WEE2: variants seen among roughly 807,000 people sequenced by gnomAD.
WEE2 encodes the protein wee1-like protein kinase 2.
A neutral mutation model predicts 60.1 loss-of-function variants in WEE2; 50 were observed. The observed-to-expected ratio is 0.83, with a 90% CI of 0.66 to 1.05. The LOEUF is 1.05. Ranked by LOEUF, WEE2 falls within the 50% of genes least tolerant of loss-of-function variation. The pLI is 0.00. For missense variants in WEE2, 631 were observed against 684.3 expected, an observed-to-expected ratio of 0.92 and a Z score of 0.87; for synonymous variants, 240 against 241.0, an observed-to-expected ratio of 1.00 and a Z score of 0.04.
chr7:141,719,020 G>C, intron 3 of WEE2, 52 bp from the exon 4 acceptor site: 4 of 1,570,502 alleles, frequency 2.5e-6, no homozygotes, highest in Non-Finnish European at 3.5e-6. Context: ...TAATTTTATT[G>C]CTTACAACAT....
At chr7:141,729,482 C>A in intron 10 of WEE2, 49 bp from the exon 11 acceptor site, 1 of 1,612,534 alleles carries the variant, frequency 6.2e-7, no homozygotes, top group Non-Finnish European at 8.5e-7. Flanking sequence ...TCATACATAT[C>A]TCTGACTGGA....
At position 141,730,427 on chromosome 7, in the gene WEE2, G is replaced by T. The variant is rs1448685509; in HGVS notation, c.*107G>T. 4 of 1,067,448 alleles carry T rather than the reference G, an allele frequency of 3.7e-6. No individual in the cohort carries two copies. Among genetic ancestry groups the T allele is most frequent in the South Asian group, 2.9e-5 (2 of 68,476 alleles). 66.1% of individuals were successfully genotyped at this position (1,067,448 alleles called of 1,614,324 possible). On this transcript the variant is annotated 3_prime_UTR_variant, in exon 12 of 12. Coordinates refer to ENST00000397541, the MANE Select transcript of WEE2 (RefSeq NM_001105558.1). The stretch of plus-strand genomic sequence containing the variant: ...GACTCGTTGTACATAGAAAGGAATA[G>T]AATTTAGTTTAGAGTTGAAGTCACA...
chr7:141,708,776 T>C lies in WEE2; in HGVS notation c.18T>C (p.Ile6=), dbSNP rs1798661927. The change falls in exon 1 of 12, where the codon ATT becomes ATC. Residue 6 remains isoleucine, a synonymous_variant. Transcript: ENST00000397541. ...TGGCTGAGATGGATGACAAAGATATTGACAAAGAACTAAGGCAGAAATTAA... is the reference window on the plus strand; with the variant it reads ...TGGCTGAGATGGATGACAAAGATATCGACAAAGAACTAAGGCAGAAATTAA... MDDKD[I]DKELRQKLNF... is the part of the protein sequence containing the mutation. The C allele has an allele frequency of 6.2e-7, 1 of 1,613,690 alleles. No individual in the cohort carries two copies. The highest frequency in any genetic ancestry group is 8.5e-7 in the Non-Finnish European group (1 of 1,179,802).
chr7:141,712,457 T>C (rs2117102893), intron 1 of WEE2, among the ~76,000 whole-genome samples: 1 of 152,328 alleles, frequency 6.6e-6, no homozygotes, highest in East Asian at 1.9e-4. Flanking sequence ...ACCTGTGTCA[T>C]CTTTCAATAA....
rs150705568 is a variant in WEE2, at chr7:141,708,430, A to C, written c.-329A>C. On this transcript the variant is annotated 5_prime_UTR_variant, in exon 1 of 12. Transcript: ENST00000397541. The stretch of plus-strand genomic sequence containing the variant: ...AGCCATGCTAAATTAAAGGAATTCA[A>C]TTTTCTCACTAGTATTTGGTAACAC... 4.4e-5 allele frequency: 12 copies of C among 275,198 alleles called. No individual in the cohort carries two copies. The highest frequency in any genetic ancestry group is 6.8e-5 in the Non-Finnish European group (10 of 146,706). The allele number at this position is 275,198 out of a possible 1,614,324, so 17.0% of individuals were successfully genotyped here. A position where few individuals can be genotyped will look rare whatever the true frequency, so the allele number is the denominator to read the frequency against.
intron 1 of WEE2, among the ~76,000 whole-genome samples, chr7:141,709,729 G>C (rs1008551514): frequency 5.3e-5 from 8 of 152,188 alleles, no homozygotes; most frequent in Non-Finnish European, 8.8e-5. Flanking sequence ...GAGGAAACTT[G>C]TTGATACTTC....
chr7:141,727,892 C>A, intron 10 of WEE2: 1 of 157,614 alleles, frequency 6.3e-6, no homozygotes, highest in Non-Finnish European at 1.4e-5. Context: ...TTTTTCTGAG[C>A]AAAGAAAACG....
chr7:141,717,611 AT>A (rs1798829258), intron 3 of WEE2, among the ~76,000 whole-genome samples: 1 of 152,210 alleles, frequency 6.6e-6, no homozygotes, highest in Admixed American at 6.5e-5. Flanking sequence ...AGATATATGT[AT>A]TTGTGTATAT....
Position 141,719,184 on chromosome 7 carries a change from T to A in WEE2, c.698T>A (p.Leu233Gln). Residue 233 changes from leucine (L) to glutamine (Q), a missense_variant, in exon 4 of 12, where the codon CTG becomes CAG. Coordinates refer to ENST00000397541, the MANE Select transcript of WEE2 (RefSeq NM_001105558.1). The stretch of plus-strand genomic sequence containing the variant: ...ACAGTCTACAAGTGCATTAAGAGGC[T>A]GGATGGATGTGTTTATGCAATAAAG... ...FGTVYKCIKR[L>Q]DGCVYAIKRS... 1 of 1,614,042 alleles carries A rather than the reference T, an allele frequency of 6.2e-7. No individual in the cohort carries two copies. Among genetic ancestry groups the A allele is most frequent in the South Asian group, 1.1e-5 (1 of 91,062 alleles).
In WEE2 at chr7:141,730,060, A is replaced by T. The variant is rs146041480; in HGVS notation, c.1679-235A>T. Among the ~76,000 whole-genome samples, 339 of 152,052 alleles carry T rather than the reference A, an allele frequency of 2.2e-3. 2 individuals carry two copies. Among genetic ancestry groups the T allele is most frequent in the African/African-American group, 8.0e-3 (330 of 41,478 alleles). The stretch of plus-strand genomic sequence containing the variant: ...TACTGTAGAACCTCTGTAAATAGAT[A>T]TCAGCTGTCCCAACCTTCCTCTTAT... On this transcript the variant is annotated intron_variant, in intron 11 of 11. Transcript: ENST00000397541.
chr7:141,709,947 A>G (rs1238163342), intron 1 of WEE2, among the ~76,000 whole-genome samples: 1 of 152,092 alleles, frequency 6.6e-6, no homozygotes, highest in Non-Finnish European at 1.5e-5. Context: ...GGCACTTAAG[A>G]TCATCATAAT....
rs777739865 is a variant in WEE2, at chr7:141,725,053, A to G, written c.1249A>G (p.Ile417Val). The G allele has an allele frequency of 5.0e-6, 8 of 1,614,116 alleles. No individual in the cohort carries two copies. Among genetic ancestry groups the G allele is most frequent in the South Asian group, 2.2e-5 (2 of 91,064 alleles). ...EDYRHLPKAD[I>V]FALGLTIAVA... ...TTACCGGCACCTTCCCAAAGCAGACATATTTGCCTTGGGATTAACAATTGC... is the reference window on the plus strand; with the variant it reads ...TTACCGGCACCTTCCCAAAGCAGACGTATTTGCCTTGGGATTAACAATTGC... Residue 417 changes from isoleucine (I) to valine (V), a missense_variant, in exon 9 of 12, where the codon ATA becomes GTA. Physicochemically the swap from Ile to Val is conservative, Grantham distance 29. Transcript: ENST00000397541.
chr7:141,713,116 A>G (rs1367021487), intron 1 of WEE2, among the ~76,000 whole-genome samples: 1 of 152,208 alleles, frequency 6.6e-6, no homozygotes, highest in Non-Finnish European at 1.5e-5. Flanking sequence ...TGTAAATTCT[A>G]TAGCTTCCTT....
At position 141,716,284 on chromosome 7, in the gene WEE2, G is replaced by C; in HGVS notation, c.585+17G>C. 1 of 1,611,562 alleles carries C rather than the reference G, an allele frequency of 6.2e-7. No homozygotes were observed. The highest frequency in any genetic ancestry group is 2.2e-5 in the East Asian group (1 of 44,764). On this transcript the variant is annotated intron_variant, in intron 3 of 11. Transcript: ENST00000397541. ...CCTGCCAAGGTAAGCGTAGTTCTTTGTCCCAGCGGCCACAATATAGGCAGT... is the reference window on the plus strand; with the variant it reads ...CCTGCCAAGGTAAGCGTAGTTCTTTCTCCCAGCGGCCACAATATAGGCAGT...
intron 5 of WEE2, among the ~76,000 whole-genome samples, chr7:141,721,882 T>A (rs1218631365): frequency 6.6e-6 from 1 of 152,238 alleles, no homozygotes; most frequent in African/African-American, 2.4e-5. Flanking sequence ...AAAACTTTAC[T>A]GTAGCCCTCC....
At chr7:141,709,766 C>T (rs1798683426) in intron 1 of WEE2, among the ~76,000 whole-genome samples, 1 of 152,232 alleles carries the variant, frequency 6.6e-6, no homozygotes, top group African/African-American at 2.4e-5. Context: ...GGCAAATAAG[C>T]AAGAGTCCCT....
chr7:141,710,733 G>A (rs1798696091), intron 1 of WEE2, among the ~76,000 whole-genome samples: 1 of 152,174 alleles, frequency 6.6e-6, no homozygotes, highest in Admixed American at 6.5e-5. Flanking sequence ...AAGTTATGGA[G>A]GGGAAGGAGC....
chr7:141,720,475 C>T (rs541241672), intron 4 of WEE2, among the ~76,000 whole-genome samples: 1 of 152,188 alleles, frequency 6.6e-6, no homozygotes, highest in South Asian at 2.1e-4. Context: ...GACTGCCTAG[C>T]CTTTATAGAG....
chr7:141,719,281 A>G (rs779725536), intron 4 of WEE2, 37 bp downstream of exon 4: 1 of 1,517,272 alleles, frequency 6.6e-7, no homozygotes, highest in Non-Finnish European at 8.9e-7. Flanking sequence ...ATATAAACTT[A>G]GATTTGGAGA....
Sources: allele counts gnomAD v4.1 joint callset (sites outside exome capture counted in the v4.1 genomes callset), GRCh38; gene constraint gnomAD v4.1.1; transcripts MANE v1.5; gene names NCBI Gene and HGNC (gene_info 2026-07-23, HGNC 2026-07-21).